The following TET1 variants were observed in gnomAD, a reference collection of about 807,000 sequenced individuals.
TET1 encodes the protein methylcytosine dioxygenase TET1.
TET1 carries 13 observed loss-of-function variants against 148.7 expected under a neutral mutation model. The ratio of observed to expected loss-of-function variants is 0.09; its 90% CI spans 0.06 to 0.14. The LOEUF (loss-of-function observed/expected upper bound fraction) is 0.14. TET1 is among the 10% of genes least tolerant of loss of function. The probability of loss-of-function intolerance (pLI) is 1.00; values close to 1 mark genes in which losing one functional copy is unlikely to be tolerated. For synonymous variants in TET1, 907 were observed against 937.2 expected (o/e 0.97, Z 0.59); for missense variants, 2,182 against 2,553.8 (o/e 0.85, Z 3.14).
chr10:68,595,610 TTC>T (rs1231570741), intron 2 of TET1, among the ~76,000 whole-genome samples: 6,760 of 126,566 alleles, frequency 0.053, 296 homozygotes, highest in Non-Finnish European at 0.085. Context: ...CACACACAGC[TTC>T]TTTTTTTTTT....
chr10:68,651,698 C>T (rs1473332534), intron 4 of TET1, 148 bp from the exon 5 acceptor site: 1 of 491,014 alleles, frequency 2.0e-6, no homozygotes, highest in African/African-American at 1.9e-5. Flanking sequence ...GGGCTGTTGT[C>T]CTTGCCTTTA....
rs1177231389 is a variant in TET1 at position 68,681,310 on chromosome 10, C to T, written c.4825-89C>T. 9.4e-6 allele frequency: 7 copies of T among 745,132 alleles called. No homozygotes were observed. The African/African-American group carries it at 1.1e-4, about 11-fold the overall frequency. 46.2% of individuals were successfully genotyped at this position (745,132 alleles called of 1,614,324 possible). ...GGATAAGTATGAATTGTGCATTAAC[C>T]ACCATCAGCCATGATTTATGATTCA... On this transcript the variant is annotated intron_variant, in intron 8 of 11. Coordinates refer to ENST00000373644, the MANE Select transcript of TET1 (RefSeq NM_030625.3).
chr10:68,654,572 G>A (rs934413277), intron 6 of TET1, among the ~76,000 whole-genome samples: 8 of 152,162 alleles, frequency 5.3e-5, no homozygotes, highest in South Asian at 4.1e-4. Flanking sequence ...GGCCTAGATC[G>A]TGCCTCTGCA....
chr10:68,657,215 C>T (rs1183710760), intron 6 of TET1, among the ~76,000 whole-genome samples: 2 of 151,756 alleles, frequency 1.3e-5, no homozygotes, highest in East Asian at 1.9e-4. Flanking sequence ...CTCGCTCTGT[C>T]GCCCAGGCTG....
intron 2 of TET1, among the ~76,000 whole-genome samples, chr10:68,575,954 A>AACTCG (rs2053724976): frequency 6.6e-6 from 1 of 150,432 alleles, no homozygotes; most frequent in African/African-American, 2.4e-5. Context: ...CGGGAGGCGG[A>AACTCG]GCTTGCAGTG....
At chr10:68,617,919 TTC>T (rs1025473523) in intron 3 of TET1, among the ~76,000 whole-genome samples, 1 of 152,022 alleles carries the variant, frequency 6.6e-6, no homozygotes, top group African/African-American at 2.4e-5. Context: ...ATTTCTTTCT[TTC>T]TCTTTTTTTT....
chr10:68,570,715 C>CTCT (rs2053659865), intron 1 of TET1, among the ~76,000 whole-genome samples: 1 of 151,076 alleles, frequency 6.6e-6, no homozygotes, highest in Non-Finnish European at 1.5e-5. Context: ...CTTCAAGCTC[C>CTCT]GCCTCCCGGG....
At chr10:68,591,451 A>C (rs1251387009) in intron 2 of TET1, among the ~76,000 whole-genome samples, 2 of 152,218 alleles carry the variant, frequency 1.3e-5, no homozygotes, top group Non-Finnish European at 1.5e-5. Flanking sequence ...CAACATCAGA[A>C]GCATCTGTGC....
chr10:68,583,932 A>C (rs951308037), intron 2 of TET1, among the ~76,000 whole-genome samples: 2 of 152,100 alleles, frequency 1.3e-5, no homozygotes, highest in Admixed American at 1.3e-4. Flanking sequence ...GCTTATATTA[A>C]CTTCCAAAGC....
chr10:68,575,743 C>T (rs1019873219), intron 2 of TET1, among the ~76,000 whole-genome samples: 8 of 138,524 alleles, frequency 5.8e-5, no homozygotes, highest in East Asian at 2.1e-4. Flanking sequence ...ATAAATAGGC[C>T]GGGCGCGGTG....
At chr10:68,561,702 C>T (rs1329461747) in intron 1 of TET1, among the ~76,000 whole-genome samples, 1 of 146,278 alleles carries the variant, frequency 6.8e-6, no homozygotes, top group African/African-American at 2.5e-5. Context: ...CTCCCTCCCT[C>T]CCTCTCCCCC....
chr10:68,561,093 G>C (rs990947363), intron 1 of TET1, among the ~76,000 whole-genome samples: 2 of 152,184 alleles, frequency 1.3e-5, no homozygotes, highest in Non-Finnish European at 2.9e-5. Flanking sequence ...GTGTGGCGTG[G>C]GGGAGATGGC....
chr10:68,583,571 C>T (rs2053825811), intron 2 of TET1, among the ~76,000 whole-genome samples: 1 of 152,162 alleles, frequency 6.6e-6, no homozygotes, highest in African/African-American at 2.4e-5. Flanking sequence ...CACCAAGTCA[C>T]TGTTTCTAAA....
In TET1 at chr10:68,646,592, T is replaced by C. The variant is rs1280860456; in HGVS notation, c.3863T>C (p.Leu1288Ser). The change falls in exon 4 of 12, where the codon TTA becomes TCA. Residue 1288 changes from leucine to serine, a missense_variant. Leu to Ser is a moderately radical substitution (Grantham distance 145). Around this residue, in one of 11 missense-constraint regions of TET1, gnomAD observed 582 missense variants for 599.5 expected, o/e 0.97. Transcript: ENST00000373644. ...TDKAYNSQVQ[L>S]TVNANQKAHP... The stretch of plus-strand genomic sequence containing the variant: ...AAAGCTTATAATTCTCAGGTACAGT[T>C]AACGGTGAATGCCAATCAGAAAGCC... 1 of 1,614,130 alleles carries C rather than the reference T, an allele frequency of 6.2e-7. No homozygotes were observed. The highest frequency in any genetic ancestry group is 1.7e-5 in the Admixed American group (1 of 60,006).
chr10:68,588,144 C>T (rs7094573), intron 2 of TET1, among the ~76,000 whole-genome samples: 6,271 of 152,168 alleles, frequency 0.041, 439 homozygotes, highest in African/African-American at 0.14. Flanking sequence ...TTACAGGCGT[C>T]GGCCACCTTG....
chr10:68,572,351 C>G lies in TET1; in HGVS notation c.13C>G (p.Arg5Gly). MSRS[R>G]HARPSRLVRK... ...CTACTCTGTAGCTATGTCTCGATCCCGCCATGCAAGGCCTTCCAGATTAGT... is the reference window on the plus strand; with the variant it reads ...CTACTCTGTAGCTATGTCTCGATCCGGCCATGCAAGGCCTTCCAGATTAGT... The change falls in exon 2 of 12, where the codon CGC becomes GGC. Residue 5 changes from arginine to glycine, a missense_variant. Physicochemically the swap from Arg to Gly is moderately radical, Grantham distance 125. Around this residue, in one of 11 missense-constraint regions of TET1, gnomAD observed 665 missense variants for 672.4 expected, o/e 0.99. Coordinates refer to ENST00000373644, the MANE Select transcript of TET1 (RefSeq NM_030625.3). 1 of 1,600,462 alleles carries G rather than the reference C, an allele frequency of 6.2e-7. No individual in the cohort carries two copies. Among genetic ancestry groups the G allele is most frequent in the Non-Finnish European group, 8.5e-7 (1 of 1,176,616 alleles).
intron 4 of TET1, 87 bp from the exon 5 acceptor site, chr10:68,651,759 G>T: frequency 2.2e-6 from 2 of 911,900 alleles, no homozygotes; most frequent in Non-Finnish European, 3.2e-6. Context: ...CTGAATTGAG[G>T]GGGAACAAAA....
chr10:68,664,469 C>A (rs901114894), intron 6 of TET1, among the ~76,000 whole-genome samples: 15 of 139,728 alleles, frequency 1.1e-4, no homozygotes, highest in African/African-American at 4.0e-4. Flanking sequence ...AGTGCAGTGG[C>A]GAGATCTGGG....
chr10:68,654,106 C>CAAA (rs66890965), intron 6 of TET1, among the ~76,000 whole-genome samples: 4,200 of 84,732 alleles, frequency 0.05, 417 homozygotes, highest in Middle Eastern at 0.12. Flanking sequence ...AAAATGTCTC[C>CAAA]AAAAAAAAAA....
Sources: gnomAD v4.1 joint callset for allele counts (sites outside exome capture counted in the v4.1 genomes callset) on GRCh38, gnomAD v4.1.1 for gene constraint, gnomAD v4.1.1 regional missense constraint, MANE v1.5 for transcripts, NCBI Gene and HGNC (gene_info 2026-07-23, HGNC 2026-07-21) for gene names.